The following NALCN variants were observed in gnomAD, a reference collection of about 807,000 sequenced individuals.
NALCN encodes the protein sodium leak channel NALCN.
In NALCN, 111 loss-of-function variants were observed where a neutral mutation model predicts 225.3. The ratio of observed to expected loss-of-function variants is 0.49; its 90% CI spans 0.42 to 0.58. The LOEUF is 0.58. Ranked by LOEUF, NALCN falls within the 20% of genes least tolerant of loss-of-function variation. The probability of loss-of-function intolerance (pLI) is 0.00; values close to 1 mark genes in which losing one functional copy is unlikely to be tolerated. For missense variants in NALCN, 1,378 were observed against 2,202.4 expected, an observed-to-expected ratio of 0.63 and a Z score of 7.49; for synonymous variants, 764 against 769.0, an observed-to-expected ratio of 0.99 and a Z score of 0.11.
chr13:101,265,996 T>A (rs1199296350), intron 10 of NALCN, among the ~76,000 whole-genome samples: 2 of 152,228 alleles, frequency 1.3e-5, no homozygotes, highest in Non-Finnish European at 2.9e-5. Flanking sequence ...CATGGTTTAA[T>A]GGAATATCAA....
chr13:101,162,239 T>C (rs752380083), intron 15 of NALCN, among the ~76,000 whole-genome samples: 2 of 152,222 alleles, frequency 1.3e-5, no homozygotes, highest in East Asian at 1.9e-4. Context: ...TTTTAATTAC[T>C]TGATTTACAT....
intron 20 of NALCN, 31 bp from the exon 21 acceptor site, chr13:101,107,820 A>C (rs2035218193): frequency 6.3e-7 from 1 of 1,581,100 alleles, no homozygotes; most frequent in Non-Finnish European, 8.6e-7. Flanking sequence ...GGTGTGTTAA[A>C]ACAGGAGGGT....
rs1002470268 is a variant in NALCN at position 101,076,952 on chromosome 13, T to A, written c.3886-1011A>T. ...ACCTTATTTTGGATTGTAGTTCCCA[T>A]AATCCCCATGTATCCTGGGAGGGAC... is the stretch of plus-strand genomic sequence containing the variant. On this transcript the variant is annotated intron_variant, in intron 34 of 43. Transcript: ENST00000251127. Among the ~76,000 whole-genome samples the A allele has an allele frequency of 3.3e-5, 5 of 152,332 alleles. No individual in the cohort carries two copies. In the East Asian group the frequency reaches 7.7e-4, roughly 24 times the overall value.
At chr13:101,088,898 T>A (rs2139543091) in intron 30 of NALCN, among the ~76,000 whole-genome samples, 1 of 87,328 alleles carries the variant, frequency 1.1e-5, no homozygotes, top group East Asian at 2.8e-4. Context: ...AAAATCTTTT[T>A]TTCTTTTTTT....
At chr13:101,124,084 T>C (rs1216226157) in intron 18 of NALCN, among the ~76,000 whole-genome samples, 1 of 152,224 alleles carries the variant, frequency 6.6e-6, no homozygotes, top group Non-Finnish European at 1.5e-5. Context: ...TATAAAACAC[T>C]CAAGTCGGTT....
At chr13:101,155,868 C>T (rs1253451973) in intron 15 of NALCN, among the ~76,000 whole-genome samples, 4 of 152,148 alleles carry the variant, frequency 2.6e-5, no homozygotes, top group African/African-American at 9.7e-5. Flanking sequence ...CAGCTCTTGT[C>T]TGTGGCAATT....
chr13:101,075,751 G>T, intron 35 of NALCN, 122 bp downstream of exon 35: 1 of 641,860 alleles, frequency 1.6e-6, no homozygotes, highest in Non-Finnish European at 2.5e-6. Flanking sequence ...CTTGACTTAT[G>T]ATGTCTAGTA....
chr13:101,368,499 CAT>C (rs780823058), intron 6 of NALCN: 11 of 151,946 alleles, frequency 7.2e-5, no homozygotes, highest in Non-Finnish European at 1.5e-4. Context: ...CAAAAAAAGT[CAT>C]AGTTTAGAGG....
chr13:101,154,409 C>G (rs1026827167), intron 15 of NALCN, among the ~76,000 whole-genome samples: 21 of 152,152 alleles, frequency 1.4e-4, no homozygotes, highest in African/African-American at 4.1e-4. Flanking sequence ...GATATTTTCT[C>G]TCGTTTTCCT....
At chr13:101,261,757 G>C (rs575936571) in intron 10 of NALCN, among the ~76,000 whole-genome samples, 1 of 152,254 alleles carries the variant, frequency 6.6e-6, no homozygotes, top group Admixed American at 6.5e-5. Context: ...GGAGTCTTTA[G>C]GTTTTTCCAA....
At chr13:101,258,410 G>A in intron 11 of NALCN, 33 bp downstream of exon 11, 1 of 1,612,952 alleles carries the variant, frequency 6.2e-7, no homozygotes, top group East Asian at 2.2e-5. Context: ...CCTGCTCCTT[G>A]CCCAGCGATC....
At chr13:101,093,194 C>T (rs1049421552) in intron 28 of NALCN, among the ~76,000 whole-genome samples, 3 of 152,188 alleles carry the variant, frequency 2.0e-5, no homozygotes, top group African/African-American at 7.2e-5. Context: ...CTCATCAAGT[C>T]TGAGTGATTC....
At chr13:101,143,982 T>A (rs2037219409) in intron 16 of NALCN, among the ~76,000 whole-genome samples, 1 of 152,208 alleles carries the variant, frequency 6.6e-6, no homozygotes, top group African/African-American at 2.4e-5. Context: ...TTAATTTTGT[T>A]TTTTAAAATT....
At chr13:101,392,988 C>T (rs957333904) in intron 3 of NALCN, among the ~76,000 whole-genome samples, 5 of 152,188 alleles carry the variant, frequency 3.3e-5, no homozygotes, top group Non-Finnish European at 5.9e-5. Flanking sequence ...ACCTACAAAA[C>T]TCTCCTGTAT....
chr13:101,116,914 T>A (rs1245636170), intron 18 of NALCN: 2 of 511,138 alleles, frequency 3.9e-6, no homozygotes, highest in African/African-American at 3.9e-5. Context: ...TGGAAATGGC[T>A]CTTACCTGAC....
In NALCN at chr13:101,144,792, C is replaced by G; in HGVS notation, c.1944G>C (p.Lys648Asn). The G allele has an allele frequency of 1.2e-6, 2 of 1,610,526 alleles. No individual in the cohort carries two copies. The highest frequency in any genetic ancestry group is 1.7e-6 in the Non-Finnish European group (2 of 1,178,440). The change falls in exon 16 of 44, where the codon AAG becomes AAC. Residue 648 changes from lysine (K) to asparagine (N), a missense_variant. By Grantham distance (94) the Lys-to-Asn change is moderately conservative. Coordinates refer to ENST00000251127, the MANE Select transcript of NALCN (RefSeq NM_052867.4). ...PNRPQMVKISKLPSDFTVPKI... is the reference protein window; with the variant it reads ...PNRPQMVKISNLPSDFTVPKI... ...TAGGAACTGTAAAATCTGAAGGAAG[C>G]TTTGAGATTTTCACCATTTGAGGTC...
chr13:101,229,564 C>G lies in NALCN; in HGVS notation c.1455G>C (p.Leu485=), dbSNP rs1239915947. ...TYFQVLRVVR[L]IKISPALEDF... is the part of the protein sequence containing the mutation. The stretch of plus-strand genomic sequence containing the variant: ...CTTCTAATGCAGGTGAAATCTTAAT[C>G]AGCCGAACTACTCGGAGAACCTATC... Residue 485 remains leucine, a synonymous_variant, in exon 13 of 44, where the codon CTG becomes CTC. Transcript: ENST00000251127. 1 of 1,598,462 alleles carries G rather than the reference C, an allele frequency of 6.3e-7. No homozygotes were observed. Among genetic ancestry groups the G allele is most frequent in the African/African-American group, 1.3e-5 (1 of 74,320 alleles).
At chr13:101,334,522 A>T (rs892325404) in intron 7 of NALCN, among the ~76,000 whole-genome samples, 7 of 152,240 alleles carry the variant, frequency 4.6e-5, no homozygotes, top group African/African-American at 1.7e-4. Flanking sequence ...AGTACGGAAT[A>T]CGAAATGCCT....
chr13:101,124,546 T>G lies in NALCN; in HGVS notation c.2192+62A>C. Reference sequence around the variant, plus strand: ...AACATTAATTCATTTTTCAAAAAGCTATTTTTCGATTAATATAATCCCACT... The same window carrying G: ...AACATTAATTCATTTTTCAAAAAGCGATTTTTCGATTAATATAATCCCACT... On this transcript the variant is annotated intron_variant, in intron 18 of 43. Transcript: ENST00000251127. 6 of 1,414,300 alleles carry G rather than the reference T, an allele frequency of 4.2e-6. No homozygotes were observed. In the South Asian group the frequency reaches 7.3e-5, roughly 17 times the overall value. 87.6% of individuals were successfully genotyped at this position (1,414,300 alleles called of 1,614,324 possible).
Sources: allele counts gnomAD v4.1 joint callset (sites outside exome capture counted in the v4.1 genomes callset), GRCh38; gene constraint gnomAD v4.1.1; transcripts MANE v1.5; gene names NCBI Gene and HGNC (gene_info 2026-07-23, HGNC 2026-07-21).